ATXN1: variants seen among roughly 807,000 people sequenced by gnomAD.
ATXN1 encodes ataxin 1.
A neutral mutation model predicts 56.4 loss-of-function variants in ATXN1; 8 were observed. The observed-to-expected ratio is 0.14, with a 90% CI of 0.08 to 0.26. The LOEUF (loss-of-function observed/expected upper bound fraction) is 0.26. Ranked by LOEUF, ATXN1 falls within the 10% of genes least tolerant of loss-of-function variation. The pLI is 1.00. For missense variants in ATXN1, 987 were observed against 1,106.5 expected (o/e 0.89, Z 1.53); for synonymous variants, 514 against 494.6 (o/e 1.04, Z -0.52).
chr6:16,621,418 G>A (rs1204022405), intron 3 of ATXN1, among the ~76,000 whole-genome samples: 1 of 152,132 alleles, frequency 6.6e-6, no homozygotes, highest in East Asian at 1.9e-4. Context: ...TATCAAAAAG[G>A]TGCATACAGA....
chr6:16,584,237 TATATATAC>T (rs1277619727), intron 4 of ATXN1, among the ~76,000 whole-genome samples: 19 of 129,236 alleles, frequency 1.5e-4, no homozygotes, highest in South Asian at 7.6e-4. Context: ...TATATATATA[TATATATAC>T]ACACACACAC....
intron 6 of ATXN1, among the ~76,000 whole-genome samples, chr6:16,381,826 TCTC>T (rs1758132792): frequency 6.6e-6 from 1 of 152,192 alleles, no homozygotes; most frequent in Non-Finnish European, 1.5e-5. Flanking sequence ...GGTAGATACT[TCTC>T]CTGCTCCTTG....
At chr6:16,745,013 A>G (rs530086546) in intron 2 of ATXN1, among the ~76,000 whole-genome samples, 57 of 152,368 alleles carry the variant, frequency 3.7e-4, no homozygotes, top group African/African-American at 1.3e-3. Flanking sequence ...TCCATTTGCT[A>G]ATTGTAAAAA....
intron 2 of ATXN1, among the ~76,000 whole-genome samples, chr6:16,750,457 T>C (rs1195283096): frequency 2.6e-5 from 4 of 151,848 alleles, no homozygotes; most frequent in African/African-American, 9.7e-5. Context: ...TATAAAAGAG[T>C]ACAACATGAA....
At chr6:16,412,375 A>T (rs572290906) in intron 6 of ATXN1, among the ~76,000 whole-genome samples, 1 of 152,310 alleles carries the variant, frequency 6.6e-6, no homozygotes, top group South Asian at 2.1e-4. Flanking sequence ...CTACTAGACT[A>T]CATCCTTTTC....
At chr6:16,408,155 A>G (rs1758724080) in intron 6 of ATXN1, among the ~76,000 whole-genome samples, 1 of 152,186 alleles carries the variant, frequency 6.6e-6, no homozygotes, top group South Asian at 2.1e-4. Context: ...GTGGTCTCAG[A>G]AGAGAACTTT....
chr6:16,653,408 C>A (rs1371582894), intron 3 of ATXN1, among the ~76,000 whole-genome samples: 1 of 152,218 alleles, frequency 6.6e-6, no homozygotes, highest in Non-Finnish European at 1.5e-5. Flanking sequence ...GCAGCGGGAC[C>A]GCTCTTCTGC....
chr6:16,728,450 G>A (rs901520156), intron 2 of ATXN1, among the ~76,000 whole-genome samples: 1 of 152,092 alleles, frequency 6.6e-6, no homozygotes, highest in Non-Finnish European at 1.5e-5. Flanking sequence ...GATATGTATG[G>A]GCAACATCTG....
chr6:16,316,947 T>C (rs1210383807), intron 7 of ATXN1, among the ~76,000 whole-genome samples: 1 of 145,174 alleles, frequency 6.9e-6, no homozygotes, highest in African/African-American at 2.7e-5. Flanking sequence ...GAGCAGTGCT[T>C]TCTCCAGGGT....
At chr6:16,592,410 C>T (rs552560340) in intron 3 of ATXN1, among the ~76,000 whole-genome samples, 1 of 152,122 alleles carries the variant, frequency 6.6e-6, no homozygotes, top group South Asian at 2.1e-4. Context: ...ATGCCGGACT[C>T]CTGCCTCACT....
At chr6:16,498,308 C>T (rs1760815989) in intron 5 of ATXN1, among the ~76,000 whole-genome samples, 1 of 152,192 alleles carries the variant, frequency 6.6e-6, no homozygotes, top group Non-Finnish European at 1.5e-5. Flanking sequence ...CATATTGTAA[C>T]ATGTACCAGT....
intron 6 of ATXN1, among the ~76,000 whole-genome samples, chr6:16,413,931 T>C (rs1581745861): frequency 6.6e-6 from 1 of 152,298 alleles, no homozygotes; most frequent in Non-Finnish European, 1.5e-5. Context: ...TTTCTAAAAA[T>C]GAAACATTCT....
intron 2 of ATXN1, among the ~76,000 whole-genome samples, chr6:16,681,728 A>G (rs1758816383): frequency 1.3e-5 from 2 of 152,256 alleles, no homozygotes; most frequent in Admixed American, 6.5e-5. Flanking sequence ...GTCACTGAGC[A>G]TATTGCACAG....
At chr6:16,656,397 A>C (rs1758202495) in intron 3 of ATXN1, among the ~76,000 whole-genome samples, 1 of 152,208 alleles carries the variant, frequency 6.6e-6, no homozygotes, top group Non-Finnish European at 1.5e-5. Flanking sequence ...AGTCGTTCCA[A>C]GATGATGAGC....
At position 16,327,269 on chromosome 6, in the gene ATXN1, C is replaced by T; in HGVS notation, c.1042G>A (p.Gly348Ser). ...SSADLGLGKA[G>S]GKSVPHPYES... ...TACGGGTGAGGAACCGACTTGCCGC[C>T]TGCCTTGCCCAGGCCCAGGTCGGCT... is the stretch of plus-strand genomic sequence containing the variant. The change falls in exon 7 of 8, where the codon GGC (glycine) becomes AGC (serine). Residue 348 changes from glycine to serine, a missense_variant. Gly to Ser is a moderately conservative substitution (Grantham distance 56). Around this residue, in one of 3 missense-constraint regions of ATXN1, gnomAD observed 723 missense variants for 791.7 expected, o/e 0.91. Transcript: ENST00000436367. 6.2e-7 allele frequency: 1 copy of T among 1,613,204 alleles called. No individual in the cohort carries two copies. The highest frequency in any genetic ancestry group is 8.5e-7 in the Non-Finnish European group (1 of 1,179,704).
chr6:16,368,343 CTTT>C (rs10527935), intron 6 of ATXN1, among the ~76,000 whole-genome samples: 10 of 75,910 alleles, frequency 1.3e-4, no homozygotes, highest in African/African-American at 3.5e-4. Context: ...ACTTCTTCTT[CTTT>C]TTTTTTTTTT....
Position 16,410,596 on chromosome 6 carries a change from T to C in ATXN1, c.-161+75376A>G, listed in dbSNP as rs1021970088. ...TTCCCTTCCCTACATAAAGATAATA[T>C]GCAAAAAATCCAAAAGGGTGCAATC... On this transcript the variant is annotated intron_variant, in intron 6 of 7. Transcript: ENST00000436367. The surrounding 1 kb of genome is among the most constrained non-coding windows in gnomAD (Gnocchi z 4.6). 5.3e-5 allele frequency among the ~76,000 whole-genome samples: 8 copies of C among 152,354 alleles called. No homozygotes were observed. The East Asian group carries it at 9.6e-4, about 18-fold the overall frequency.
chr6:16,706,355 G>A (rs1051083047), intron 2 of ATXN1, among the ~76,000 whole-genome samples: 5 of 152,248 alleles, frequency 3.3e-5, no homozygotes, highest in Middle Eastern at 3.4e-3. Context: ...CGCCCAATAC[G>A]TATGCAAGAA....
chr6:16,373,135 A>T (rs1327218343), intron 6 of ATXN1, among the ~76,000 whole-genome samples: 1 of 152,168 alleles, frequency 6.6e-6, no homozygotes, highest in African/African-American at 2.4e-5. Flanking sequence ...GTCCCAGGCC[A>T]TGTTGCCTGA....
Sources: allele counts gnomAD v4.1 joint callset (sites outside exome capture counted in the v4.1 genomes callset), GRCh38; gene constraint gnomAD v4.1.1; regional missense constraint gnomAD v4.1.1; non-coding constraint Gnocchi (gnomAD v3.1); transcripts MANE v1.5; gene names NCBI Gene and HGNC (gene_info 2026-07-23, HGNC 2026-07-21).